STAT5B: variants seen among roughly 807,000 people sequenced by gnomAD.
The protein encoded by STAT5B is signal transducer and activator of transcription 5B, also known as transcription factor STAT5B.
In STAT5B, 21 loss-of-function variants were observed where a neutral mutation model predicts 107.8. The ratio of observed to expected loss-of-function variants is 0.19; its 90% CI spans 0.14 to 0.28. STAT5B has a LOEUF of 0.28. Ranked by LOEUF, STAT5B falls within the 10% of genes least tolerant of loss-of-function variation. The pLI, the probability that STAT5B is intolerant of heterozygous loss-of-function variation, is 1.00. For missense variants in STAT5B, 565 were observed against 1,008.2 expected (o/e 0.56, Z 5.95); for synonymous variants, 325 against 401.7 (o/e 0.81, Z 2.28).
At chr17:42,217,671 A>G in intron 9 of STAT5B, 1 of 642,026 alleles carries the variant, frequency 1.6e-6, no homozygotes, top group Non-Finnish European at 2.7e-6. Flanking sequence ...TCTTCACAGA[A>G]AACAGTTCCT....
At chr17:42,258,451 G>C (rs2080565770) in intron 1 of STAT5B, among the ~76,000 whole-genome samples, 1 of 152,140 alleles carries the variant, frequency 6.6e-6, no homozygotes, top group African/African-American at 2.4e-5. Context: ...GGCTGAAGCG[G>C]AAGGATCACC....
intron 13 of STAT5B, 147 bp from the exon 14 acceptor site, chr17:42,210,644 T>C (rs2080120637): frequency 3.9e-6 from 3 of 771,396 alleles, no homozygotes; most frequent in East Asian, 5.5e-5. Context: ...GAGTTTTACC[T>C]AATGGCCCCA....
At chr17:42,265,374 C>CTTTT (rs1275073687) in intron 1 of STAT5B, among the ~76,000 whole-genome samples, 1 of 99,230 alleles carries the variant, frequency 1.0e-5, no homozygotes, top group African/African-American at 5.0e-5. Context: ...GGTATGTACT[C>CTTTT]TTCTTTTTTT....
intron 2 of STAT5B, among the ~76,000 whole-genome samples, chr17:42,230,084 GA>G (rs2080305426): frequency 6.6e-6 from 1 of 152,102 alleles, no homozygotes; most frequent in Non-Finnish European, 1.5e-5. Flanking sequence ...GAGAGAAAAT[GA>G]AAAGGGAGTG....
intron 1 of STAT5B, among the ~76,000 whole-genome samples, chr17:42,262,778 A>G (rs373462195): frequency 9.9e-5 from 13 of 131,302 alleles, no homozygotes; most frequent in East Asian, 7.1e-4. Flanking sequence ...ACATATATGT[A>G]TATATATACA....
intron 16 of STAT5B, among the ~76,000 whole-genome samples, chr17:42,203,630 T>TC (rs1311264008): frequency 6.6e-6 from 1 of 152,046 alleles, no homozygotes; most frequent in Non-Finnish European, 1.5e-5. Context: ...CTGGAGGTTT[T>TC]CTTTTTTTTC....
At chr17:42,248,684 T>C (rs897091741) in intron 1 of STAT5B, among the ~76,000 whole-genome samples, 1 of 152,224 alleles carries the variant, frequency 6.6e-6, no homozygotes, top group Non-Finnish European at 1.5e-5. Flanking sequence ...CAGCTTATGC[T>C]GCAAGGCATC....
In STAT5B at chr17:42,227,453, G is replaced by T. The variant is rs557002098; in HGVS notation, c.285+76C>A. ...GTAACTCAACAATGCTGGACTGAAG[G>T]AGAGAAAGAAAGTCTCTACAGGAAG... On this transcript the variant is annotated intron_variant, in intron 3 of 18. Coordinates refer to ENST00000293328, the MANE Select transcript of STAT5B (RefSeq NM_012448.4). 3.1e-4 allele frequency: 501 copies of T among 1,600,408 alleles called. 9 individuals are homozygous for T. In the South Asian group the frequency reaches 4.2e-3, roughly 14 times the overall value.
chr17:42,280,977 A>G (rs976306405), upstream of STAT5B, among the ~76,000 whole-genome samples: 7 of 151,896 alleles, frequency 4.6e-5, no homozygotes, highest in Non-Finnish European at 8.8e-5. Context: ...TACTAAAAAT[A>G]CCAAAAATTA....
chr17:42,212,566 T>C (rs1034659481), intron 12 of STAT5B, among the ~76,000 whole-genome samples: 21 of 151,986 alleles, frequency 1.4e-4, no homozygotes, highest in African/African-American at 4.6e-4. Flanking sequence ...ACAGAGAGAG[T>C]GTGCGTATGT....
intron 5 of STAT5B, among the ~76,000 whole-genome samples, chr17:42,220,784 C>G (rs537152143): frequency 4.5e-4 from 67 of 150,382 alleles, no homozygotes; most frequent in Non-Finnish European, 8.0e-4. Context: ...GGCCTCATTA[C>G]CTTTTAAAAA....
At chr17:42,233,411 T>C (rs970758353) in intron 1 of STAT5B, among the ~76,000 whole-genome samples, 7 of 152,094 alleles carry the variant, frequency 4.6e-5, no homozygotes. Flanking sequence ...CATTTACAAA[T>C]CTTTCAGACA....
intron 12 of STAT5B, among the ~76,000 whole-genome samples, chr17:42,213,520 ATTTATTT>A (rs749569560): frequency 8.9e-4 from 126 of 142,068 alleles, no homozygotes; most frequent in Admixed American, 1.2e-3. Context: ...AGTCTTTATT[ATTTATTT>A]TTTATTTTTT....
intron 1 of STAT5B, among the ~76,000 whole-genome samples, chr17:42,243,725 A>G (rs1279118739): frequency 6.6e-6 from 1 of 152,202 alleles, no homozygotes; most frequent in African/African-American, 2.4e-5. Flanking sequence ...CAAAAAAGAA[A>G]AACAAAGCAA....
Position 42,200,197 on chromosome 17 carries a change from T to C in STAT5B, c.*1541A>G, listed in dbSNP as rs2080032796. Reference sequence around the variant, plus strand: ...AATATTTTTAACGGCAAAACACTGATAAATTCAGAAGTTATTTTTGTAAAA... The same window carrying C: ...AATATTTTTAACGGCAAAACACTGACAAATTCAGAAGTTATTTTTGTAAAA... On this transcript the variant is annotated 3_prime_UTR_variant, in exon 19 of 19. Transcript: ENST00000293328. The C allele has an allele frequency of 1.3e-5, 2 of 152,756 alleles. No individual in the cohort carries two copies. The highest frequency in any genetic ancestry group is 2.9e-5 in the Non-Finnish European group (2 of 68,042). The allele number at this position is 152,756 out of a possible 1,614,324, so 9.5% of individuals were successfully genotyped here.
At position 42,217,207 on chromosome 17, in the gene STAT5B, C is replaced by G. The variant is rs1437308651; in HGVS notation, c.1333G>C (p.Glu445Gln). The change falls in exon 11 of 19, where the codon GAA (glutamate) becomes CAA (glutamine). Residue 445 changes from glutamate (E) to glutamine (Q), a missense_variant. Around this residue, in one of 11 missense-constraint regions of STAT5B, gnomAD observed 127 missense variants for 215.8 expected, o/e 0.59. Coordinates refer to ENST00000293328, the MANE Select transcript of STAT5B (RefSeq NM_012448.4). ...TTTCCACCAACACTGAACTGGGATT[C>G]AAACAGGATTGTAAATTTTTCTTCT... ...VTEEKFTILFESQFSVGGNEL... is the reference protein window; with the variant it reads ...VTEEKFTILFQSQFSVGGNEL... 6.2e-7 allele frequency: 1 copy of G among 1,614,138 alleles called. No homozygotes were observed. Among genetic ancestry groups the G allele is most frequent in the Non-Finnish European group, 8.5e-7 (1 of 1,180,020 alleles).
At position 42,199,550 on chromosome 17, in the gene STAT5B, T is replaced by G. The variant is rs140444425; in HGVS notation, c.*2188A>C. 4.0e-4 allele frequency: 61 copies of G among 152,388 alleles called. No individual in the cohort carries two copies. The highest frequency in any genetic ancestry group is 1.4e-3 in the African/African-American group (60 of 41,540). The allele number at this position is 152,388 out of a possible 1,614,324, so 9.4% of individuals were successfully genotyped here. ...GGGTCGAGACACACCACTACCTTTA[T>G]CTTGTGGTTTGCAGGAACAAGGAGG... On this transcript the variant is annotated 3_prime_UTR_variant, in exon 19 of 19. Coordinates refer to ENST00000293328, the MANE Select transcript of STAT5B (RefSeq NM_012448.4).
intron 1 of STAT5B, among the ~76,000 whole-genome samples, chr17:42,264,663 A>G (rs2144408538): frequency 6.6e-6 from 1 of 151,774 alleles, no homozygotes; most frequent in South Asian, 2.1e-4. Context: ...TGCCGCAATA[A>G]ACATACGTGT....
At chr17:42,206,659 C>T (rs2080087596) in intron 16 of STAT5B, among the ~76,000 whole-genome samples, 2 of 152,174 alleles carry the variant, frequency 1.3e-5, no homozygotes, top group East Asian at 1.9e-4. Flanking sequence ...ACCACAACTT[C>T]CACCTCTCGG....
Sources: allele counts gnomAD v4.1 joint callset (sites outside exome capture counted in the v4.1 genomes callset), GRCh38; gene constraint gnomAD v4.1.1; regional missense constraint gnomAD v4.1.1; transcripts MANE v1.5; gene names NCBI Gene and HGNC (gene_info 2026-07-23, HGNC 2026-07-21).